Variants in SENP7 observed in about 807,000 individuals in gnomAD.
SENP7 encodes SUMO specific peptidase 7, also known as sentrin-specific protease 7.
Under a neutral mutation model 141.2 loss-of-function variants are expected in SENP7, and 64 were observed. That is an observed-to-expected ratio of 0.45 (90% CI 0.37 to 0.56). The LOEUF (loss-of-function observed/expected upper bound fraction) is 0.56. Among genes scored for constraint, SENP7 ranks in the 20% least tolerant of loss-of-function variants. The pLI, the probability that SENP7 is intolerant of heterozygous loss-of-function variation, is 0.00. For missense variants in SENP7, 1,025 were observed against 1,212.2 expected (o/e 0.85, Z 2.29); for synonymous variants, 382 against 426.4 (o/e 0.90, Z 1.28).
intron 1 of SENP7, among the ~76,000 whole-genome samples, chr3:101,502,740 C>T (rs2065439166): frequency 6.6e-6 from 1 of 152,060 alleles, no homozygotes. Flanking sequence ...CACAGTGGGA[C>T]CCCATCTCTA....
At chr3:101,510,155 T>C (rs1373838657) in intron 1 of SENP7, among the ~76,000 whole-genome samples, 1 of 152,244 alleles carries the variant, frequency 6.6e-6, no homozygotes, top group Non-Finnish European at 1.5e-5. Flanking sequence ...TTAACACTTT[T>C]AATGGTCATT....
intron 6 of SENP7, among the ~76,000 whole-genome samples, chr3:101,378,913 G>A (rs1401334663): frequency 6.6e-6 from 1 of 151,888 alleles, no homozygotes; most frequent in Non-Finnish European, 1.5e-5. Context: ...TAAGTGTTCA[G>A]AGAAAAAAAA....
intron 3 of SENP7, among the ~76,000 whole-genome samples, chr3:101,474,061 C>G (rs1269221267): frequency 1.3e-5 from 2 of 152,040 alleles, no homozygotes; most frequent in South Asian, 2.1e-4. Flanking sequence ...AGTCTTATTT[C>G]TGGGCTCTCT....
At chr3:101,427,652 CT>C (rs2062009745) in intron 4 of SENP7, among the ~76,000 whole-genome samples, 1 of 151,884 alleles carries the variant, frequency 6.6e-6, no homozygotes, top group African/African-American at 2.4e-5. Context: ...TTTCCTTTTT[CT>C]TTTTCTTTTT....
chr3:101,377,963 C>A (rs113369620), intron 6 of SENP7, among the ~76,000 whole-genome samples: 2,078 of 152,212 alleles, frequency 0.014, 48 homozygotes, highest in African/African-American at 0.047. Flanking sequence ...TTGGTGATAA[C>A]CTTTAGCAGT....
At chr3:101,380,475 A>T (rs1012966881) in intron 6 of SENP7, among the ~76,000 whole-genome samples, 1 of 150,512 alleles carries the variant, frequency 6.6e-6, no homozygotes, top group Non-Finnish European at 1.5e-5. Context: ...AAACATAACT[A>T]ATTTTTAAAA....
intron 3 of SENP7, among the ~76,000 whole-genome samples, chr3:101,481,424 G>A (rs527371804): frequency 3.3e-5 from 5 of 152,276 alleles, no homozygotes; most frequent in African/African-American, 1.2e-4. Flanking sequence ...TCATATGTGG[G>A]TGCTGAAAAA....
At chr3:101,388,536 T>C (rs1261069076) in intron 6 of SENP7, among the ~76,000 whole-genome samples, 1 of 151,802 alleles carries the variant, frequency 6.6e-6, no homozygotes, top group African/African-American at 2.4e-5. Flanking sequence ...TTGGAAGAAA[T>C]AACTGTTCAA....
At chr3:101,353,961 A>G (rs1481950161) in intron 11 of SENP7, among the ~76,000 whole-genome samples, 2 of 152,062 alleles carry the variant, frequency 1.3e-5, no homozygotes, top group Non-Finnish European at 2.9e-5. Flanking sequence ...CAAAAAAGAA[A>G]AAAAAGTTCT....
chr3:101,360,169 C>G (rs960283666), intron 11 of SENP7, among the ~76,000 whole-genome samples: 1 of 151,950 alleles, frequency 6.6e-6, no homozygotes, highest in Non-Finnish European at 1.5e-5. Flanking sequence ...CAGTTAAAAC[C>G]AGTGGCCAAA....
chr3:101,361,460 C>A (rs1485013565), intron 11 of SENP7, among the ~76,000 whole-genome samples: 1 of 151,910 alleles, frequency 6.6e-6, no homozygotes, highest in Non-Finnish European at 1.5e-5. Context: ...ACTTTTAGAA[C>A]CCAAAGATTA....
intron 16 of SENP7, among the ~76,000 whole-genome samples, chr3:101,339,217 T>C (rs965546260): frequency 2.6e-5 from 4 of 152,206 alleles, no homozygotes; most frequent in African/African-American, 9.6e-5. Context: ...TAAAGATTAC[T>C]AGTATTATTA....
chr3:101,329,819 G>A (rs1205410526), intron 20 of SENP7, among the ~76,000 whole-genome samples: 1 of 150,506 alleles, frequency 6.6e-6, no homozygotes, highest in Non-Finnish European at 1.5e-5. Flanking sequence ...GCCAGGCATG[G>A]TGGTGGGCAC....
intron 5 of SENP7, among the ~76,000 whole-genome samples, chr3:101,407,197 GA>G (rs2061330955): frequency 6.6e-6 from 1 of 152,134 alleles, no homozygotes; most frequent in African/African-American, 2.4e-5. Flanking sequence ...AAAAGACAAA[GA>G]GGGGCATTAT....
chr3:101,403,959 G>T (rs2061227708), intron 5 of SENP7, among the ~76,000 whole-genome samples: 1 of 152,068 alleles, frequency 6.6e-6, no homozygotes, highest in Non-Finnish European at 1.5e-5. Context: ...CAGGCTCATG[G>T]ATAGAAAGTA....
intron 3 of SENP7, among the ~76,000 whole-genome samples, chr3:101,463,380 T>TATATATATACACAC (rs1553744727): frequency 1.4e-5 from 1 of 72,142 alleles, no homozygotes; most frequent in Non-Finnish European, 2.6e-5. Flanking sequence ...TATATATATA[T>TATATATATACACAC]ATATATATAT....
At chr3:101,493,108 G>A (rs1157013286) in intron 3 of SENP7, among the ~76,000 whole-genome samples, 1 of 152,174 alleles carries the variant, frequency 6.6e-6, no homozygotes, top group Non-Finnish European at 1.5e-5. Flanking sequence ...GATGAAGCTG[G>A]AGACCATTAT....
chr3:101,350,681 G>T (rs1045668447), intron 12 of SENP7, among the ~76,000 whole-genome samples: 11 of 152,022 alleles, frequency 7.2e-5, no homozygotes, highest in African/African-American at 2.7e-4. Context: ...TTGAGAGGCA[G>T]CTCTGTTACC....
intron 20 of SENP7, 151 bp from the exon 21 acceptor site, chr3:101,328,840 C>G (rs1246632349): frequency 1.6e-6 from 1 of 643,232 alleles, no homozygotes; most frequent in Non-Finnish European, 2.8e-6. Context: ...TCATTTTCCA[C>G]AAATTTATTA....
Sources: allele counts gnomAD v4.1 joint callset (sites outside exome capture counted in the v4.1 genomes callset), GRCh38; gene constraint gnomAD v4.1.1; transcripts MANE v1.5; gene names NCBI Gene and HGNC (gene_info 2026-07-23, HGNC 2026-07-21).